The following TBC1D14 variants were observed in gnomAD, a reference collection of about 807,000 sequenced individuals.
TBC1D14 encodes the protein TBC1 domain family, member 14.
Under a neutral mutation model 79.0 loss-of-function variants are expected in TBC1D14, and 26 were observed. The observed-to-expected ratio is 0.33, with a 90% CI of 0.24 to 0.46. TBC1D14 has a LOEUF of 0.46. Among genes scored for constraint, TBC1D14 ranks in the 20% least tolerant of loss-of-function variants. The pLI is 1.00. For missense variants in TBC1D14, 769 were observed against 887.6 expected, an observed-to-expected ratio of 0.87 and a Z score of 1.70; for synonymous variants, 394 against 349.9, an observed-to-expected ratio of 1.13 and a Z score of -1.40.
intron 2 of TBC1D14, among the ~76,000 whole-genome samples, chr4:6,926,422 C>A (rs1724301674): frequency 1.3e-5 from 2 of 152,310 alleles, no homozygotes; most frequent in South Asian, 4.1e-4. Flanking sequence ...ATTTCTAGAT[C>A]ATTTCTAAAG....
chr4:6,960,899 C>T (rs971457357), intron 2 of TBC1D14, among the ~76,000 whole-genome samples: 4 of 152,172 alleles, frequency 2.6e-5, no homozygotes, highest in African/African-American at 9.7e-5. Flanking sequence ...AGGCCAGAAT[C>T]GGTGTCCAAC....
intron 12 of TBC1D14, among the ~76,000 whole-genome samples, chr4:7,015,945 G>A (rs1577176598): frequency 6.6e-6 from 1 of 152,242 alleles, no homozygotes; most frequent in East Asian, 1.9e-4. Flanking sequence ...TATGGTAAAT[G>A]TCAAACCACT....
chr4:6,967,481 A>C, intron 3 of TBC1D14, 57 bp downstream of exon 3: 2 of 1,573,884 alleles, frequency 1.3e-6, no homozygotes, highest in East Asian at 4.5e-5. Context: ...GCATATATTC[A>C]TGAACCTTGC....
At chr4:6,996,502 G>A in intron 5 of TBC1D14, 95 bp downstream of exon 5, 1 of 904,450 alleles carries the variant, frequency 1.1e-6, no homozygotes, top group Non-Finnish European at 1.7e-6. Context: ...CATAGAACCT[G>A]AACTTCAGTC....
At chr4:6,991,934 TTTGTATC>T (rs1484367190) in intron 3 of TBC1D14, among the ~76,000 whole-genome samples, 2 of 152,236 alleles carry the variant, frequency 1.3e-5, no homozygotes, top group African/African-American at 4.8e-5. Flanking sequence ...ACTCCTACTT[TTTGTATC>T]TGTGCTGTTG....
At chr4:6,943,336 C>A (rs2108981260) in intron 2 of TBC1D14, among the ~76,000 whole-genome samples, 1 of 152,370 alleles carries the variant, frequency 6.6e-6, no homozygotes, top group Middle Eastern at 3.4e-3. Flanking sequence ...CTTCCTCCCT[C>A]TGCCCCTCTC....
chr4:6,929,016 A>G lies in TBC1D14; in HGVS notation c.722+4905A>G, dbSNP rs140933060. 3.9e-3 allele frequency among the ~76,000 whole-genome samples: 594 copies of G among 152,300 alleles called. 4 individuals carry two copies. Among genetic ancestry groups the G allele is most frequent in the African/African-American group, 0.013 (531 of 41,562 alleles). On this transcript the variant is annotated intron_variant, in intron 2 of 13. Coordinates refer to ENST00000409757, the MANE Select transcript of TBC1D14 (RefSeq NM_020773.3). ...ATTGTAACTATGCCTTTTCTGTGCA[A>G]ACAGTTTGTTAATATTGCTGGTGAC...
intron 1 of TBC1D14, among the ~76,000 whole-genome samples, chr4:6,919,156 T>TC (rs1723633041): frequency 6.6e-6 from 1 of 152,170 alleles, no homozygotes; most frequent in African/African-American, 2.4e-5. Flanking sequence ...TTTCACCTTT[T>TC]TTTTTTTTTA....
At chr4:6,924,956 T>C (rs1377671050) in intron 2 of TBC1D14, among the ~76,000 whole-genome samples, 1 of 152,012 alleles carries the variant, frequency 6.6e-6, no homozygotes, top group African/African-American at 2.4e-5. Context: ...AACGGTGGCG[T>C]GCTGGGAGGA....
intron 2 of TBC1D14, among the ~76,000 whole-genome samples, chr4:6,949,518 A>T (rs1713817774): frequency 6.6e-6 from 1 of 152,128 alleles, no homozygotes; most frequent in African/African-American, 2.4e-5. Context: ...CTCCATCTCT[A>T]TTAAAAATAC....
At chr4:6,931,211 G>T (rs918709145) in intron 2 of TBC1D14, among the ~76,000 whole-genome samples, 1 of 152,178 alleles carries the variant, frequency 6.6e-6, no homozygotes, top group African/African-American at 2.4e-5. Context: ...ACTCTGGGTC[G>T]TCTGACACTG....
chr4:6,932,803 G>C (rs1711888926), intron 2 of TBC1D14, among the ~76,000 whole-genome samples: 1 of 152,148 alleles, frequency 6.6e-6, no homozygotes, highest in African/African-American at 2.4e-5. Flanking sequence ...ATTTTGAGCA[G>C]AGGAGTTGCC....
In TBC1D14 at chr4:7,030,323, C is replaced by T. The variant is rs754034627; in HGVS notation, c.2017-4C>T. On this transcript the variant is annotated splice_polypyrimidine_tract_variant and splice_region_variant and intron_variant, in intron 13 of 13. Coordinates refer to ENST00000409757, the MANE Select transcript of TBC1D14 (RefSeq NM_020773.3). ...ACCTCAGCTGTCTTCCCTGTGACTT[C>T]TAGGTACTGACTGCATTGCAGAAAG... 2 of 1,613,840 alleles carry T rather than the reference C, an allele frequency of 1.2e-6. No homozygotes were observed. The highest frequency in any genetic ancestry group is 2.2e-5 in the South Asian group (2 of 91,082).
At chr4:6,968,746 C>T (rs1039076858) in intron 3 of TBC1D14, among the ~76,000 whole-genome samples, 7 of 132,890 alleles carry the variant, frequency 5.3e-5, no homozygotes, top group African/African-American at 7.9e-5. Context: ...GCGCTGCACC[C>T]GGTAGCCTGC....
At chr4:6,973,083 CT>C (rs1716361790) in intron 3 of TBC1D14, among the ~76,000 whole-genome samples, 1 of 152,164 alleles carries the variant, frequency 6.6e-6, no homozygotes, top group African/African-American at 2.4e-5. Context: ...GGAGGATAGG[CT>C]TGTAGGTTTC....
chr4:6,940,656 G>C (rs541577959), intron 2 of TBC1D14, among the ~76,000 whole-genome samples: 62 of 152,300 alleles, frequency 4.1e-4, no homozygotes, highest in Admixed American at 1.1e-3. Context: ...TATTCTGAAG[G>C]TGCCTGTTGT....
At chr4:6,915,989 G>A (rs1723367051) in intron 1 of TBC1D14, among the ~76,000 whole-genome samples, 1 of 152,014 alleles carries the variant, frequency 6.6e-6, no homozygotes, top group South Asian at 2.1e-4. Context: ...AGCCAGACGT[G>A]GTGGCGGGCG....
intron 2 of TBC1D14, among the ~76,000 whole-genome samples, chr4:6,949,196 G>A (rs984177451): frequency 5.3e-5 from 8 of 151,980 alleles, no homozygotes; most frequent in African/African-American, 7.2e-5. Context: ...TGGGCGCAGC[G>A]GCTCACGCCT....
chr4:7,028,006 CCCCACACACA>C (rs1252560630), intron 13 of TBC1D14, among the ~76,000 whole-genome samples: 1 of 143,878 alleles, frequency 7.0e-6, no homozygotes, highest in Non-Finnish European at 1.5e-5. Context: ...TTACACATCA[CCCCACACACA>C]CCCACACATA....
Sources: allele counts gnomAD v4.1 joint callset (sites outside exome capture counted in the v4.1 genomes callset), GRCh38; gene constraint gnomAD v4.1.1; transcripts MANE v1.5; gene names NCBI Gene and HGNC (gene_info 2026-07-23, HGNC 2026-07-21).